Variants in BCAR3 observed in about 807,000 individuals in gnomAD.
BCAR3 encodes the protein BCAR3 adaptor protein, NSP family member.
A neutral mutation model predicts 80.1 loss-of-function variants in BCAR3; 37 were observed. The ratio of observed to expected loss-of-function variants is 0.46; its 90% CI spans 0.36 to 0.61. BCAR3 has a LOEUF of 0.61. BCAR3 is among the 20% of genes least tolerant of loss of function. BCAR3 has a pLI of 0.00. For missense variants in BCAR3, 978 were observed against 1,068.2 expected (o/e 0.92, Z 1.18); for synonymous variants, 389 against 418.9 (o/e 0.93, Z 0.87).
chr1:93,582,396 G>A lies in BCAR3; in HGVS notation c.1591C>T (p.Pro531Ser), dbSNP rs1288533987. Residue 531 changes from proline to serine, a missense_variant, in exon 7 of 12, where the codon CCC becomes TCC. Transcript: ENST00000260502. ...ESKFLPPENK[P>S]LETAMLKRAK... The stretch of plus-strand genomic sequence containing the variant: ...CGTTTCAACATTGCTGTTTCCAGGG[G>A]CTTATTCTCAGGGGGAAGGAACTTT... 8 of 1,614,216 alleles carry A rather than the reference G, an allele frequency of 5.0e-6. No individual in the cohort carries two copies. The highest frequency in any genetic ancestry group is 1.1e-5 in the South Asian group (1 of 91,086).
intron 3 of BCAR3, among the ~76,000 whole-genome samples, chr1:93,702,086 C>T (rs963425824): frequency 6.6e-6 from 1 of 152,166 alleles, no homozygotes; most frequent in Non-Finnish European, 1.5e-5. Context: ...GATCCACCCA[C>T]TGGCGCTGTG....
At chr1:93,719,498 G>A (rs1379417958) in intron 2 of BCAR3, among the ~76,000 whole-genome samples, 2 of 151,488 alleles carry the variant, frequency 1.3e-5, no homozygotes, top group South Asian at 2.1e-4. Flanking sequence ...CCACCACCAC[G>A]CCCGGCTAAT....
intron 3 of BCAR3, among the ~76,000 whole-genome samples, chr1:93,611,524 T>C (rs916756409): frequency 5.3e-5 from 8 of 152,228 alleles, no homozygotes; most frequent in African/African-American, 1.9e-4. Context: ...TGTGAACCCC[T>C]TCGGGATATT....
chr1:93,584,161 C>G, intron 5 of BCAR3, 40 bp from the exon 6 acceptor site: 2 of 1,573,908 alleles, frequency 1.3e-6, no homozygotes, highest in Non-Finnish European at 1.7e-6. Context: ...GTGTTACTAA[C>G]GTGTAAAATA....
intron 2 of BCAR3, among the ~76,000 whole-genome samples, chr1:93,820,070 GTAAACTCTAAACTCA>G: frequency 6.6e-6 from 1 of 152,250 alleles, no homozygotes; most frequent in Non-Finnish European, 1.5e-5. Flanking sequence ...TTATTTAACA[GTAAACTCTAAACTCA>G]GAACTCACTC....
chr1:93,732,655 A>G (rs1036856537), intron 2 of BCAR3, among the ~76,000 whole-genome samples: 3 of 152,176 alleles, frequency 2.0e-5, no homozygotes, highest in Non-Finnish European at 4.4e-5. Context: ...AGAAAAGAAA[A>G]GGAAGATCTG....
chr1:93,677,267 G>A (rs1648530199), intron 1 of BCAR3, among the ~76,000 whole-genome samples: 1 of 152,200 alleles, frequency 6.6e-6, no homozygotes, highest in Non-Finnish European at 1.5e-5. Context: ...CTCCCGGGAG[G>A]ATGGCAGATG....
intron 2 of BCAR3, among the ~76,000 whole-genome samples, chr1:93,726,365 G>C (rs763749058): frequency 6.6e-6 from 1 of 152,092 alleles, no homozygotes; most frequent in Non-Finnish European, 1.5e-5. Context: ...GAGCCACCGT[G>C]CCTGGCCTAT....
intron 10 of BCAR3, 60 bp downstream of exon 10, chr1:93,567,680 T>G (rs1673012548): frequency 4.0e-6 from 6 of 1,504,922 alleles, no homozygotes; most frequent in African/African-American, 1.4e-5. Flanking sequence ...ACATGCCCTG[T>G]GTACTTGTAC....
chr1:93,630,346 G>A (rs1166356206), intron 3 of BCAR3, among the ~76,000 whole-genome samples: 2 of 152,122 alleles, frequency 1.3e-5, no homozygotes, highest in Admixed American at 6.5e-5. Context: ...AAATAAGGCC[G>A]GGTGTGGTGG....
intron 2 of BCAR3, chr1:93,753,454 G>C (rs1484866584): frequency 6.6e-6 from 1 of 152,012 alleles, no homozygotes; most frequent in East Asian, 1.9e-4. Context: ...CTGTCTTCTT[G>C]ACTTTGTCTA....
intron 3 of BCAR3, 88 bp downstream of exon 3, chr1:93,642,216 G>T: frequency 7.0e-7 from 1 of 1,432,278 alleles, no homozygotes; most frequent in Non-Finnish European, 9.8e-7. Flanking sequence ...ACACAAACCA[G>T]GCTGCAGCAT....
intron 3 of BCAR3, among the ~76,000 whole-genome samples, chr1:93,694,303 A>G (rs1319111821): frequency 6.6e-6 from 1 of 152,216 alleles, no homozygotes; most frequent in Admixed American, 6.5e-5. Context: ...AATGCCCTGC[A>G]TGAATCATCA....
rs187931008 is a variant in BCAR3, at chr1:93,827,035, G to A, written c.-63+18532C>T. Among the ~76,000 whole-genome samples the A allele has an allele frequency of 1.2e-3, 176 of 152,254 alleles. 2 individuals carry two copies. Among genetic ancestry groups the A allele is most frequent in the Non-Finnish European group, 2.1e-3 (141 of 68,018 alleles). ...GGCAGTGCCAGCTCCAGAAAGGAAGGGACTGTGACCTATTTGTTTTGGTAT... is the reference window on the plus strand; with the variant it reads ...GGCAGTGCCAGCTCCAGAAAGGAAGAGACTGTGACCTATTTGTTTTGGTAT... On this transcript the variant is annotated intron_variant, in intron 2 of 13. Coordinates refer to the BCAR3 transcript ENST00000370244.
At chr1:93,832,008 C>T (rs573900015) in intron 2 of BCAR3, among the ~76,000 whole-genome samples, 21 of 152,286 alleles carry the variant, frequency 1.4e-4, no homozygotes, top group African/African-American at 4.6e-4. Flanking sequence ...CCCTTAGATG[C>T]TTTACCGCCC....
At chr1:93,610,936 A>T (rs1240071676) in intron 3 of BCAR3, among the ~76,000 whole-genome samples, 2 of 151,902 alleles carry the variant, frequency 1.3e-5, no homozygotes, top group African/African-American at 4.8e-5. Flanking sequence ...AAAAAAAGAA[A>T]GAGCACTAGG....
At chr1:93,817,528 C>A (rs1391407492) in intron 2 of BCAR3, among the ~76,000 whole-genome samples, 1 of 152,150 alleles carries the variant, frequency 6.6e-6, no homozygotes, top group Non-Finnish European at 1.5e-5. Flanking sequence ...GTGTCGTGAC[C>A]TTTCATACAG....
intron 2 of BCAR3, among the ~76,000 whole-genome samples, chr1:93,665,123 C>T (rs967783325): frequency 1.3e-5 from 2 of 152,258 alleles, no homozygotes; most frequent in Middle Eastern, 3.4e-3. Context: ...CCATCCTCAA[C>T]GTGGCCACCT....
At chr1:93,711,633 A>G (rs11800228) in intron 2 of BCAR3, among the ~76,000 whole-genome samples, 3,956 of 152,304 alleles carry the variant, frequency 0.026, 176 homozygotes, top group African/African-American at 0.089. Context: ...AAAAGGGGAA[A>G]GTGCAACCAT....
Sources: allele counts gnomAD v4.1 joint callset (sites outside exome capture counted in the v4.1 genomes callset), GRCh38; gene constraint gnomAD v4.1.1; transcripts MANE v1.5; gene names NCBI Gene and HGNC (gene_info 2026-07-23, HGNC 2026-07-21).